TSKS: variants seen among roughly 807,000 people sequenced by gnomAD.
TSKS encodes the protein testis-specific serine kinase substrate.
A neutral mutation model predicts 68.0 loss-of-function variants in TSKS; 27 were observed. That is an observed-to-expected ratio of 0.40 (90% confidence interval 0.29 to 0.55). The LOEUF (loss-of-function observed/expected upper bound fraction) is 0.55. Ranked by LOEUF, TSKS falls within the 20% of genes least tolerant of loss-of-function variation. TSKS has a pLI of 0.53. For missense variants in TSKS, 806 were observed against 776.0 expected, an observed-to-expected ratio of 1.04 and a Z score of -0.46; for synonymous variants, 331 against 340.4, an observed-to-expected ratio of 0.97 and a Z score of 0.30.
intron 2 of TSKS, among the ~76,000 whole-genome samples, chr19:49,755,371 C>T (rs1473368345): frequency 6.6e-6 from 1 of 152,050 alleles, no homozygotes; most frequent in Non-Finnish European, 1.5e-5. Flanking sequence ...AACATAAATC[C>T]ACACATCCAA....
At chr19:49,760,214 C>T (rs1308058050) in intron 2 of TSKS, among the ~76,000 whole-genome samples, 2 of 151,990 alleles carry the variant, frequency 1.3e-5, no homozygotes, top group Non-Finnish European at 2.9e-5. Context: ...CATGGTGTTG[C>T]ACTCCTGTAA....
intron 2 of TSKS, among the ~76,000 whole-genome samples, chr19:49,760,975 C>G (rs2084435718): frequency 6.6e-6 from 1 of 152,046 alleles, no homozygotes; most frequent in Non-Finnish European, 1.5e-5. Context: ...GTAGTCCCAG[C>G]TACTCGGGAG....
chr19:49,750,493 G>A (rs555532313), intron 2 of TSKS, among the ~76,000 whole-genome samples: 2 of 152,042 alleles, frequency 1.3e-5, no homozygotes, highest in South Asian at 2.1e-4. Context: ...TCCTGACCTC[G>A]TGATTCACCC....
intron 2 of TSKS, among the ~76,000 whole-genome samples, chr19:49,753,950 T>C (rs2084372803): frequency 1.3e-5 from 2 of 149,368 alleles, no homozygotes; most frequent in Non-Finnish European, 3.0e-5. Context: ...AGTGGCATGA[T>C]CTCGGCTCAC....
intron 6 of TSKS, 52 bp from the exon 7 acceptor site, chr19:49,745,448 C>T: frequency 7.2e-7 from 1 of 1,397,022 alleles, no homozygotes. Flanking sequence ...AACAGGTCCC[C>T]ACCTACCCCC....
rs745899449 is a variant in TSKS at position 49,746,743 on chromosome 19, T to A, written c.719A>T (p.Glu240Val). ...CTCCTCCGGCTCCTGCAGCTCGGCC[T>A]CCTGCCGTCGCGGCGTCTCATCCTG... ...QLQDETPRRQEAELQEPEEKQ... is the reference protein window; with the variant it reads ...QLQDETPRRQVAELQEPEEKQ... The change falls in exon 6 of 11, where the codon GAG becomes GTG. Residue 240 changes from glutamate to valine, a missense_variant. Transcript: ENST00000246801. 3.1e-6 allele frequency: 5 copies of A among 1,601,554 alleles called. No individual in the cohort carries two copies. The highest frequency in any genetic ancestry group is 4.2e-6 in the Non-Finnish European group (5 of 1,179,298).
intron 1 of TSKS, among the ~76,000 whole-genome samples, chr19:49,762,855 C>T (rs1393555051): frequency 1.3e-5 from 2 of 151,982 alleles, no homozygotes; most frequent in African/African-American, 4.8e-5. Flanking sequence ...TTTCCTCTCT[C>T]CATCCATCCC....
At position 49,747,364 on chromosome 19, in the gene TSKS, C is replaced by T. The variant is rs550907241; in HGVS notation, c.663+25G>A. The stretch of plus-strand genomic sequence containing the variant: ...GTGCATCTGACCTCCTCCCACAAAT[C>T]CTGGGACTGCCCCCTAGCCCTTACC... On this transcript the variant is annotated intron_variant, in intron 5 of 10. Coordinates refer to ENST00000246801, the MANE Select transcript of TSKS (RefSeq NM_021733.2). 8.1e-5 allele frequency: 130 copies of T among 1,614,110 alleles called. 1 individual carries two copies. In the South Asian group the frequency reaches 1.3e-3, roughly 17 times the overall value.
chr19:49,742,038 A>T lies in TSKS; in HGVS notation c.1362-18T>A, dbSNP rs756405749. 6.2e-7 allele frequency: 1 copy of T among 1,612,430 alleles called. No individual in the cohort carries two copies. Among genetic ancestry groups the T allele is most frequent in the Non-Finnish European group, 8.5e-7 (1 of 1,179,826 alleles). On this transcript the variant is annotated intron_variant, in intron 8 of 10. Transcript: ENST00000246801. Reference sequence around the variant, plus strand: ...ACCCCTGGCTGGGGGAGGGGCGGTCACCAGATAAAGAGGCCCAGTACCAAC... The same window carrying T: ...ACCCCTGGCTGGGGGAGGGGCGGTCTCCAGATAAAGAGGCCCAGTACCAAC...
At chr19:49,756,646 A>G (rs1190825282) in intron 2 of TSKS, among the ~76,000 whole-genome samples, 2 of 152,108 alleles carry the variant, frequency 1.3e-5, no homozygotes, top group Admixed American at 1.3e-4. Flanking sequence ...AGCTACAAAA[A>G]TCCCACAAAA....
rs183418140 is a variant in TSKS at position 49,759,929 on chromosome 19, G to A, written c.399+2075C>T. Among the ~76,000 whole-genome samples the A allele has an allele frequency of 4.3e-4, 65 of 151,156 alleles. 3 individuals carry two copies. The East Asian group carries it at 0.011, about 25-fold the overall frequency. On this transcript the variant is annotated intron_variant, in intron 2 of 10. Transcript: ENST00000246801. The stretch of plus-strand genomic sequence containing the variant: ...AGCACTTTGGGAGGCTGAGGTGGGC[G>A]GTCATCTGAGGTCAGGAGTTCGAGA...
intron 9 of TSKS, 54 bp from the exon 10 acceptor site, chr19:49,740,237 A>G: frequency 6.4e-7 from 1 of 1,569,742 alleles, no homozygotes; most frequent in Non-Finnish European, 8.6e-7. Context: ...CTGGGGGTGG[A>G]GGGGGAACTG....
chr19:49,746,721 C>T lies in TSKS; in HGVS notation c.741G>A (p.Glu247=). 2 of 1,480,382 alleles carry T rather than the reference C, an allele frequency of 1.4e-6. No individual in the cohort carries two copies. The highest frequency in any genetic ancestry group is 1.8e-6 in the Non-Finnish European group (2 of 1,086,764). 91.7% of individuals were successfully genotyped at this position (1,480,382 alleles called of 1,614,324 possible). The change falls in exon 6 of 11, where the codon GAG becomes GAA. Residue 247 remains glutamate (E), a synonymous_variant. Transcript: ENST00000246801. Reference sequence around the variant, plus strand: ...GCTTCTCCTCCGGCTCCTGCTTCTCCTCCGGCTCCTGCAGCTCGGCCTCCT... The same window carrying T: ...GCTTCTCCTCCGGCTCCTGCTTCTCTTCCGGCTCCTGCAGCTCGGCCTCCT... The part of the protein sequence containing the change: ...RRQEAELQEP[E]EKQEPEEKQE...
chr19:49,746,371 C>T, intron 6 of TSKS, 99 bp downstream of exon 6: 1 of 1,417,172 alleles, frequency 7.1e-7, no homozygotes, highest in Non-Finnish European at 9.7e-7. Flanking sequence ...ACTTGAGAAC[C>T]CCCGTCCCTT....
chr19:49,739,770 G>A lies in TSKS; in HGVS notation c.*6C>T, dbSNP rs1600183687. On this transcript the variant is annotated 3_prime_UTR_variant, in exon 11 of 11. Coordinates refer to ENST00000246801, the MANE Select transcript of TSKS (RefSeq NM_021733.2). Reference sequence around the variant, plus strand: ...AGACAGAATTCATGCTAGCATGAGAGGCCATTTATTGTTCAGGGGCTGAGC... The same window carrying A: ...AGACAGAATTCATGCTAGCATGAGAAGCCATTTATTGTTCAGGGGCTGAGC... The A allele has an allele frequency of 5.6e-6, 7 of 1,257,648 alleles. No homozygotes were observed. In the East Asian group the frequency reaches 1.6e-4, roughly 29 times the overall value. The allele number at this position is 1,257,648 out of a possible 1,614,324, so 77.9% of individuals were successfully genotyped here.
intron 2 of TSKS, among the ~76,000 whole-genome samples, chr19:49,758,309 C>A (rs749443028): frequency 2.8e-4 from 42 of 152,298 alleles, no homozygotes; most frequent in Admixed American, 5.2e-4. Flanking sequence ...CTGCCCCCCT[C>A]ACCTCTCCAG....
In TSKS at chr19:49,748,481, T is replaced by C; in HGVS notation, c.400-12A>G. Reference sequence around the variant, plus strand: ...CTGTTGACCCCACTCTGGGGAAGAATGGGAGACAGGTGAGTTAGTGGGTAT... The same window carrying C: ...CTGTTGACCCCACTCTGGGGAAGAACGGGAGACAGGTGAGTTAGTGGGTAT... On this transcript the variant is annotated splice_polypyrimidine_tract_variant and intron_variant, in intron 2 of 10. Coordinates refer to ENST00000246801, the MANE Select transcript of TSKS (RefSeq NM_021733.2). The C allele has an allele frequency of 1.2e-6, 2 of 1,612,872 alleles. No individual in the cohort carries two copies. Among genetic ancestry groups the C allele is most frequent in the Non-Finnish European group, 8.5e-7 (1 of 1,179,252 alleles).
In TSKS at chr19:49,744,787, G is replaced by A. The variant is rs533423588; in HGVS notation, c.1188-383C>T. ...AATTGTTTGTAGAGATGGGGTCTCC[G>A]CTATGTGGCCCAGGCTTGTCTTGCA... On this transcript the variant is annotated intron_variant, in intron 7 of 10. Transcript: ENST00000246801. Among the ~76,000 whole-genome samples the A allele has an allele frequency of 1.1e-3, 170 of 152,102 alleles. 1 individual carries two copies. Among genetic ancestry groups the A allele is most frequent in the African/African-American group, 3.7e-3 (155 of 41,480 alleles).
chr19:49,752,383 CAA>C (rs35015955), intron 2 of TSKS, among the ~76,000 whole-genome samples: 1,260 of 83,238 alleles, frequency 0.015, 22 homozygotes, highest in African/African-American at 0.043. Context: ...AACTCCATCT[CAA>C]AAAAAAAAAA....
Sources: gnomAD v4.1 joint callset for allele counts (sites outside exome capture counted in the v4.1 genomes callset) on GRCh38, gnomAD v4.1.1 for gene constraint, MANE v1.5 for transcripts, NCBI Gene and HGNC (gene_info 2026-07-23, HGNC 2026-07-21) for gene names.